PPP2R5C: variants seen among roughly 807,000 people sequenced by gnomAD.
PPP2R5C encodes the protein serine/threonine-protein phosphatase 2A 56 kDa regulatory subunit gamma isoform.
A neutral mutation model predicts 68.9 loss-of-function variants in PPP2R5C; 7 were observed. That is an observed-to-expected ratio of 0.10 (90% CI 0.06 to 0.19). The LOEUF is 0.19. Ranked by LOEUF, PPP2R5C falls within the 10% of genes least tolerant of loss-of-function variation. The pLI is 1.00. For synonymous variants in PPP2R5C, 210 were observed against 222.2 expected, an observed-to-expected ratio of 0.95 and a Z score of 0.49; for missense variants, 348 against 641.3, an observed-to-expected ratio of 0.54 and a Z score of 4.94.
At chr14:101,905,183 G>A (rs768904095) in intron 9 of PPP2R5C, among the ~76,000 whole-genome samples, 2 of 152,084 alleles carry the variant, frequency 1.3e-5, no homozygotes, top group African/African-American at 2.4e-5. Flanking sequence ...GTGAAACCCC[G>A]TCTCTACTAA....
intron 13 of PPP2R5C, chr14:101,922,349 C>T (rs1026652031): frequency 7.4e-6 from 2 of 270,098 alleles, no homozygotes; most frequent in Non-Finnish European, 1.1e-5. Flanking sequence ...ATTAGCCGGA[C>T]GTGGTGGCAG....
chr14:101,872,843 A>G, intron 2 of PPP2R5C, among the ~76,000 whole-genome samples: 1 of 151,438 alleles, frequency 6.6e-6, no homozygotes. Context: ...TTTCTGTCCC[A>G]TGACCCTTTC....
chr14:101,905,975 C>T (rs1413245908), intron 9 of PPP2R5C, among the ~76,000 whole-genome samples: 1 of 152,234 alleles, frequency 6.6e-6, no homozygotes, highest in Non-Finnish European at 1.5e-5. Context: ...CCTGTCTCCT[C>T]CCCACTAGAA....
intron 3 of PPP2R5C, among the ~76,000 whole-genome samples, chr14:101,802,980 A>G (rs7153514): frequency 0.19 from 28,750 of 148,526 alleles, 3,780 homozygotes; most frequent in African/African-American, 0.36. Context: ...AAAAAGGAGC[A>G]AAGGCAGGCA....
intron 13 of PPP2R5C, chr14:101,922,291 C>T (rs1281069532): frequency 1.6e-6 from 1 of 631,802 alleles, no homozygotes; most frequent in Non-Finnish European, 2.0e-6. Context: ...GAGTTCGAGA[C>T]CAGCCTGACC....
intron 2 of PPP2R5C, among the ~76,000 whole-genome samples, chr14:101,776,203 C>G (rs533288387): frequency 1.2e-3 from 176 of 152,196 alleles, no homozygotes; most frequent in African/African-American, 1.6e-3. Context: ...ACAGATAATA[C>G]TGAGTTTGAA....
chr14:101,780,173 C>G (rs1178159277), intron 2 of PPP2R5C, among the ~76,000 whole-genome samples: 1 of 152,162 alleles, frequency 6.6e-6, no homozygotes, highest in African/African-American at 2.4e-5. Flanking sequence ...GATTGCCTCA[C>G]CTAAAAATAT....
chr14:101,797,009 T>C lies in PPP2R5C; in HGVS notation c.259+10826T>C. 2.7e-6 allele frequency: 1 copy of C among 364,370 alleles called. No homozygotes were observed. The allele number at this position is 364,370 out of a possible 1,614,324, so 22.6% of individuals were successfully genotyped here. ...TCGGTGGTATTAGATACATTCAAAATGCTGTACACCCATCACTACTATCTC... is the reference window on the plus strand; with the variant it reads ...TCGGTGGTATTAGATACATTCAAAACGCTGTACACCCATCACTACTATCTC... On this transcript the variant is annotated intron_variant, in intron 3 of 14. Coordinates refer to the PPP2R5C transcript ENST00000328724. This position sits in a 1 kb window ranked among gnomAD's most constrained non-coding sequence, Gnocchi z 4.2.
chr14:101,818,633 CAAAAA>C (rs34613639), intron 1 of PPP2R5C: 1 of 125,522 alleles, frequency 8.0e-6, no homozygotes, highest in Non-Finnish European at 1.7e-5. Flanking sequence ...GACTCTGTCT[CAAAAA>C]AAAAAAAAAA....
rs1396249131 is a variant in PPP2R5C, at chr14:101,835,605, T to C, written c.95-21081T>C. ...TTCACGGGCTTTTTCCATTGAGGAA[T>C]TTAAAGGTCTTAGAAGTAATATTCT... On this transcript the variant is annotated intron_variant, in intron 1 of 13. Coordinates refer to ENST00000334743, the Ensembl canonical transcript of PPP2R5C. This position sits in a 1 kb window ranked among gnomAD's most constrained non-coding sequence, Gnocchi z 5.0. Among the ~76,000 whole-genome samples, 1 of 152,216 alleles carries C rather than the reference T, an allele frequency of 6.6e-6. No homozygotes were observed. Among genetic ancestry groups the C allele is most frequent in the Non-Finnish European group, 1.5e-5 (1 of 68,044 alleles).
chr14:101,763,469 G>A (rs563930656), intron 2 of PPP2R5C, among the ~76,000 whole-genome samples: 5 of 151,870 alleles, frequency 3.3e-5, no homozygotes, highest in Non-Finnish European at 5.9e-5. Context: ...TGCAACCTCT[G>A]CCTCCCGAGT....
At chr14:101,892,959 A>G in intron 6 of PPP2R5C, 41 bp from the exon 9 acceptor site, 1 of 1,400,684 alleles carries the variant, frequency 7.1e-7, no homozygotes, top group South Asian at 1.2e-5. Context: ...TAAAACCTGG[A>G]ATTCGTAAAT....
intron 2 of PPP2R5C, among the ~76,000 whole-genome samples, chr14:101,858,949 G>A (rs1450513697): frequency 6.6e-6 from 1 of 152,216 alleles, no homozygotes; most frequent in Admixed American, 6.5e-5. Flanking sequence ...CCTTGAGGCT[G>A]TTTTTATAGA....
chr14:101,799,953 A>G (rs1455004911), intron 3 of PPP2R5C, among the ~76,000 whole-genome samples: 1 of 152,196 alleles, frequency 6.6e-6, no homozygotes, highest in South Asian at 2.1e-4. Context: ...CTTAATCTAT[A>G]TCTCTTTTTA....
In PPP2R5C at chr14:101,797,230, C is replaced by T. The variant is rs1054837035; in HGVS notation, c.259+11047C>T. ...TTCCAGGTCCCCCCACATTGTAGCA[C>T]GTGCCAGACCCTCGCTCCCGTCGAA... On this transcript the variant is annotated intron_variant, in intron 3 of 14. Transcript: ENST00000328724. The surrounding 1 kb of genome is among the most constrained non-coding windows in gnomAD (Gnocchi z 4.2). 2 of 455,966 alleles carry T rather than the reference C, an allele frequency of 4.4e-6. No individual in the cohort carries two copies. Among genetic ancestry groups the T allele is most frequent in the Non-Finnish European group, 8.8e-6 (2 of 226,806 alleles). The allele number at this position is 455,966 out of a possible 1,614,324, so 28.2% of individuals were successfully genotyped here.
intron 2 of PPP2R5C, among the ~76,000 whole-genome samples, chr14:101,857,284 T>C (rs1016586287): frequency 3.3e-5 from 5 of 152,236 alleles, no homozygotes; most frequent in Admixed American, 6.5e-5. Context: ...GCAGGAAAAT[T>C]CTAATGATGG....
chr14:101,914,600 TC>T (rs2046560011), intron 12 of PPP2R5C: 1 of 170,076 alleles, frequency 5.9e-6, no homozygotes, highest in Non-Finnish European at 1.3e-5. Flanking sequence ...CGCTGTGTGT[TC>T]CCTGATGCCC....
At chr14:101,851,542 G>A (rs896232419) in intron 1 of PPP2R5C, among the ~76,000 whole-genome samples, 32 of 152,252 alleles carry the variant, frequency 2.1e-4, no homozygotes, top group African/African-American at 6.3e-4. Context: ...TGAATATTAC[G>A]TGAGTGACCA....
At chr14:101,783,577 A>C (rs531498515) in intron 2 of PPP2R5C, among the ~76,000 whole-genome samples, 5 of 151,928 alleles carry the variant, frequency 3.3e-5, no homozygotes, top group African/African-American at 1.2e-4. Flanking sequence ...GCCCCTTTGG[A>C]ACTGTGCCCG....
Sources: allele counts gnomAD v4.1 joint callset (sites outside exome capture counted in the v4.1 genomes callset), GRCh38; gene constraint gnomAD v4.1.1; non-coding constraint Gnocchi (gnomAD v3.1); transcripts MANE v1.5; gene names NCBI Gene and HGNC (gene_info 2026-07-23, HGNC 2026-07-21).